RELCH: variants seen among roughly 807,000 people sequenced by gnomAD.
RELCH encodes the protein RAB11 binding and LisH domain, coiled-coil and HEAT repeat containing.
In RELCH, 41 loss-of-function variants were observed where a neutral mutation model predicts 150.3. That is an observed-to-expected ratio of 0.27 (90% CI 0.21 to 0.35). RELCH has a LOEUF of 0.35. RELCH is among the 10% of genes least tolerant of loss of function. The probability of loss-of-function intolerance (pLI) is 1.00; values close to 1 mark genes in which losing one functional copy is unlikely to be tolerated. For synonymous variants in RELCH, 478 were observed against 531.8 expected, an observed-to-expected ratio of 0.90 and a Z score of 1.39; for missense variants, 1,092 against 1,467.8, an observed-to-expected ratio of 0.74 and a Z score of 4.18.
At chr18:62,286,403 G>A (rs1468824670) in intron 25 of RELCH, among the ~76,000 whole-genome samples, 1 of 152,074 alleles carries the variant, frequency 6.6e-6, no homozygotes, top group African/African-American at 2.4e-5. Flanking sequence ...GAGTTTTTGT[G>A]GGGTTTTACT....
chr18:62,250,776 TA>T (rs1407771127), intron 11 of RELCH, among the ~76,000 whole-genome samples: 2 of 152,218 alleles, frequency 1.3e-5, no homozygotes, highest in African/African-American at 4.8e-5. Context: ...AATAGAAATT[TA>T]AAGTCATTTT....
chr18:62,280,166 CTCCTAATCTCACTAACAGGTTGT>C, intron 23 of RELCH, among the ~76,000 whole-genome samples: 1 of 152,150 alleles, frequency 6.6e-6, no homozygotes, highest in East Asian at 1.9e-4. Flanking sequence ...AAGGGATGCT[CTCCTAATCTCACTAACAGGTTGT>C]TACCAGTAAG....
At chr18:62,264,520 A>G (rs2043447975) in intron 17 of RELCH, among the ~76,000 whole-genome samples, 1 of 152,072 alleles carries the variant, frequency 6.6e-6, no homozygotes, top group African/African-American at 2.4e-5. Context: ...AAGGTTTCAT[A>G]TATTTTCTGG....
At chr18:62,205,028 A>G (rs2148268372) in intron 1 of RELCH, among the ~76,000 whole-genome samples, 1 of 152,302 alleles carries the variant, frequency 6.6e-6, no homozygotes, top group Admixed American at 6.5e-5. Flanking sequence ...TTTTTTACCC[A>G]TACATCCACC....
At chr18:62,228,206 A>T in intron 7 of RELCH, 99 bp from the exon 8 acceptor site, 4 of 973,050 alleles carry the variant, frequency 4.1e-6, no homozygotes, top group Non-Finnish European at 6.2e-6. Context: ...TAATACTTTT[A>T]AATATGCTTT....
chr18:62,234,292 T>C (rs2041758290), intron 10 of RELCH, among the ~76,000 whole-genome samples: 1 of 151,438 alleles, frequency 6.6e-6, no homozygotes, highest in South Asian at 2.1e-4. Context: ...AGAGAGTTGT[T>C]GGTTTTTTGT....
intron 9 of RELCH, 53 bp downstream of exon 9, chr18:62,231,322 CTTCTTT>C: frequency 2.6e-6 from 3 of 1,150,322 alleles, no homozygotes; most frequent in Non-Finnish European, 3.9e-6. Context: ...TACTGTTTTT[CTTCTTT>C]TTAAGTTTCT....
chr18:62,252,579 T>C (rs1454507658), intron 11 of RELCH, 85 bp from the exon 12 acceptor site: 13 of 910,900 alleles, frequency 1.4e-5, no homozygotes, highest in Non-Finnish European at 2.1e-5. Flanking sequence ...TCTATGTGAA[T>C]TTATAGAGAT....
At chr18:62,290,256 G>A (rs1415561632) in intron 26 of RELCH, among the ~76,000 whole-genome samples, 5 of 152,086 alleles carry the variant, frequency 3.3e-5, no homozygotes, top group Admixed American at 2.0e-4. Flanking sequence ...CTTTATGGCC[G>A]GGCACGGTGG....
chr18:62,199,480 AG>A (rs2039279663), intron 1 of RELCH, among the ~76,000 whole-genome samples: 1 of 152,246 alleles, frequency 6.6e-6, no homozygotes, highest in African/African-American at 2.4e-5. Flanking sequence ...GTGTATCAAC[AG>A]TACTTAATAT....
chr18:62,209,953 C>T (rs1407182836), intron 1 of RELCH, among the ~76,000 whole-genome samples: 1 of 152,052 alleles, frequency 6.6e-6, no homozygotes, highest in Non-Finnish European at 1.5e-5. Flanking sequence ...GTGCATTGGT[C>T]CCATGTTCTG....
intron 5 of RELCH, among the ~76,000 whole-genome samples, chr18:62,225,980 G>T (rs772360218): frequency 2.0e-5 from 3 of 151,848 alleles, no homozygotes; most frequent in Non-Finnish European, 4.4e-5. Context: ...AGTGGAGAAA[G>T]ATACAAATTT....
At chr18:62,277,872 A>G in intron 22 of RELCH, 1 of 928,414 alleles carries the variant, frequency 1.1e-6, no homozygotes, top group Non-Finnish European at 1.3e-6. Context: ...ATATATTTTA[A>G]TCATAAGGAA....
At chr18:62,230,711 T>C (rs1327254496) in intron 8 of RELCH, among the ~76,000 whole-genome samples, 2 of 152,084 alleles carry the variant, frequency 1.3e-5, no homozygotes. Flanking sequence ...TCTTTAGACT[T>C]ATTGTTTGTG....
chr18:62,301,766 A>G (rs1228550073), intron 28 of RELCH, among the ~76,000 whole-genome samples: 1 of 152,230 alleles, frequency 6.6e-6, no homozygotes, highest in African/African-American at 2.4e-5. Context: ...TGGGTGGAAG[A>G]GATGAGAAAG....
chr18:62,227,543 G>A (rs374679164), intron 6 of RELCH, 51 bp downstream of exon 6: 9 of 1,556,658 alleles, frequency 5.8e-6, no homozygotes, highest in Non-Finnish European at 8.0e-6. Flanking sequence ...TTTAAACTAT[G>A]TAAAAGCGTA....
At position 62,227,327 on chromosome 18, in the gene RELCH, A is replaced by G. The variant is rs766341220; in HGVS notation, c.897A>G (p.Pro299=). 3.1e-6 allele frequency: 5 copies of G among 1,611,898 alleles called. No individual in the cohort carries two copies. The African/African-American group carries it at 4.0e-5, about 13-fold the overall frequency. The change falls in exon 6 of 29, where the codon CCA becomes CCG. Residue 299 remains proline (P), a synonymous_variant. Coordinates refer to ENST00000644646, the MANE Select transcript of RELCH (RefSeq NM_001346231.2). ...GGGATGATGTAGGATTAAACATTCC[A>G]AAACCTCCAGACTTATTGCAACTCT... ...ELWDDVGLNI[P]KPPDLLQLYR...
At chr18:62,270,131 C>G (rs374493127) in intron 20 of RELCH, among the ~76,000 whole-genome samples, 1 of 152,144 alleles carries the variant, frequency 6.6e-6, no homozygotes, top group East Asian at 1.9e-4. Context: ...CAGGACCTCT[C>G]TCTGTCTCCA....
chr18:62,294,993 T>C (rs954397806), intron 27 of RELCH, among the ~76,000 whole-genome samples: 6 of 152,316 alleles, frequency 3.9e-5, no homozygotes, highest in Non-Finnish European at 7.4e-5. Context: ...ATTATAAAAA[T>C]GATATGTTGT....
Sources: gnomAD v4.1 joint callset for allele counts (sites outside exome capture counted in the v4.1 genomes callset) on GRCh38, gnomAD v4.1.1 for gene constraint, MANE v1.5 for transcripts, NCBI Gene and HGNC (gene_info 2026-07-23, HGNC 2026-07-21) for gene names.